The following NCAM2 variants were observed in gnomAD, a reference collection of about 807,000 sequenced individuals.
NCAM2 encodes the protein N-CAM-2.
NCAM2 carries 30 observed loss-of-function variants against 98.1 expected under a neutral mutation model. The observed-to-expected ratio is 0.31, with a 90% CI of 0.23 to 0.41. The LOEUF (loss-of-function observed/expected upper bound fraction) is 0.41, where lower values mean the gene tolerates loss of function less well. Ranked by LOEUF, NCAM2 falls within the 10% of genes least tolerant of loss-of-function variation. The probability of loss-of-function intolerance (pLI) is 1.00; values close to 1 mark genes in which losing one functional copy is unlikely to be tolerated. For missense variants in NCAM2, 867 were observed against 1,005.8 expected (o/e 0.86, Z 1.87); for synonymous variants, 368 against 342.4 (o/e 1.07, Z -0.83).
intron 15 of NCAM2, among the ~76,000 whole-genome samples, chr21:21,497,919 TG>T: frequency 6.6e-6 from 1 of 152,138 alleles, no homozygotes; most frequent in African/African-American, 2.4e-5. Context: ...AAATTGTTGA[TG>T]AATTTTACTC....
chr21:21,400,664 C>A (rs1220378225), intron 9 of NCAM2, among the ~76,000 whole-genome samples: 2 of 150,888 alleles, frequency 1.3e-5, no homozygotes, highest in Non-Finnish European at 2.9e-5. Context: ...TGGCTCACTG[C>A]AACCTCCATC....
At chr21:21,149,880 G>A (rs1424690418) in intron 1 of NCAM2, among the ~76,000 whole-genome samples, 1 of 152,076 alleles carries the variant, frequency 6.6e-6, no homozygotes, top group African/African-American at 2.4e-5. Context: ...AAACATACAT[G>A]TGCCTGTTTC....
chr21:21,184,280 C>G (rs1430785700), intron 1 of NCAM2, among the ~76,000 whole-genome samples: 1 of 150,234 alleles, frequency 6.7e-6, no homozygotes, highest in Non-Finnish European at 1.5e-5. Flanking sequence ...CTTCACCTGC[C>G]AAGGGAGTGC....
Position 21,537,852 on chromosome 21 carries a change from G to T in NCAM2, c.2409G>T (p.Leu803Phe). The T allele has an allele frequency of 6.7e-7, 1 of 1,499,360 alleles. No homozygotes were observed. The highest frequency in any genetic ancestry group is 9.1e-7 in the Non-Finnish European group (1 of 1,097,894). 92.9% of individuals were successfully genotyped at this position (1,499,360 alleles called of 1,614,324 possible). ...ETTPLTEPEKLPLKEEDGKEA... is the reference protein window; with the variant it reads ...ETTPLTEPEKFPLKEEDGKEA... ...ATTATTTTTTATCTTCCAGAAAATTGCCTTTAAAGGAAGAAGATGGGAAAG... is the reference window on the plus strand; with the variant it reads ...ATTATTTTTTATCTTCCAGAAAATTTCCTTTAAAGGAAGAAGATGGGAAAG... The change falls in exon 18 of 18, where the codon TTG becomes TTT. Residue 803 changes from leucine to phenylalanine, a missense_variant. Leu to Phe is a conservative substitution (Grantham distance 22, BLOSUM62 0). This residue lies in a region of NCAM2 where 125 missense variants were observed against 116.1 expected (regional missense o/e 1.08). Coordinates refer to ENST00000400546, the MANE Select transcript of NCAM2 (RefSeq NM_004540.5).
intron 1 of NCAM2, among the ~76,000 whole-genome samples, chr21:21,065,729 A>G (rs1385195916): frequency 6.6e-6 from 1 of 152,200 alleles, no homozygotes; most frequent in East Asian, 1.9e-4. Flanking sequence ...TCAAGGTCAT[A>G]GAAGTGCTTC....
chr21:21,106,477 A>G (rs1041575111), intron 1 of NCAM2, among the ~76,000 whole-genome samples: 2 of 152,012 alleles, frequency 1.3e-5, no homozygotes, highest in African/African-American at 4.8e-5. Flanking sequence ...TGTAAAATAT[A>G]AAAAAGCTAA....
At chr21:21,080,082 G>C (rs927409909) in intron 1 of NCAM2, among the ~76,000 whole-genome samples, 1 of 152,070 alleles carries the variant, frequency 6.6e-6, no homozygotes, top group African/African-American at 2.4e-5. Flanking sequence ...ATGCAAATGA[G>C]CTTCCCAAAC....
chr21:21,046,589 A>G (rs908614718), intron 1 of NCAM2, among the ~76,000 whole-genome samples: 33 of 152,262 alleles, frequency 2.2e-4, no homozygotes, highest in African/African-American at 7.5e-4. Context: ...GTTATTTTAC[A>G]GTTTTTTCTT....
chr21:21,308,959 C>T (rs1411944441), intron 5 of NCAM2, among the ~76,000 whole-genome samples: 2 of 152,082 alleles, frequency 1.3e-5, no homozygotes, highest in Non-Finnish European at 2.9e-5. Flanking sequence ...GGCTTCATCT[C>T]AGGCACTTTA....
At chr21:21,075,438 G>T (rs2065661219) in intron 1 of NCAM2, among the ~76,000 whole-genome samples, 1 of 152,140 alleles carries the variant, frequency 6.6e-6, no homozygotes, top group Non-Finnish European at 1.5e-5. Context: ...GCATGATAAA[G>T]ATACTCTTCT....
chr21:21,164,122 AC>A (rs1484344677), intron 1 of NCAM2, among the ~76,000 whole-genome samples: 1 of 152,190 alleles, frequency 6.6e-6, no homozygotes, highest in Admixed American at 6.5e-5. Context: ...TTCAATTAAA[AC>A]TAGATGGCTG....
chr21:21,126,285 C>T (rs1024935011), intron 1 of NCAM2, among the ~76,000 whole-genome samples: 19 of 137,460 alleles, frequency 1.4e-4, no homozygotes, highest in African/African-American at 3.7e-4. Flanking sequence ...TTTGAATTAG[C>T]GTAACCTAGT....
intron 1 of NCAM2, among the ~76,000 whole-genome samples, chr21:21,035,071 C>T (rs1202340132): frequency 1.3e-5 from 2 of 152,102 alleles, no homozygotes; most frequent in Non-Finnish European, 2.9e-5. Context: ...GGTTCTCAGA[C>T]CTGTCAAAAA....
At chr21:21,260,564 G>GAA (rs35470021) in intron 1 of NCAM2, among the ~76,000 whole-genome samples, 48,990 of 148,984 alleles carry the variant, frequency 0.33, 8,548 homozygotes, top group Non-Finnish European at 0.4. Flanking sequence ...CCTTCTTGAA[G>GAA]AAAAAAAAAA....
intron 1 of NCAM2, among the ~76,000 whole-genome samples, chr21:21,210,900 C>T (rs1351252663): frequency 6.7e-6 from 1 of 150,174 alleles, no homozygotes; most frequent in Non-Finnish European, 1.5e-5. Context: ...TGGGAGAAGC[C>T]ACTAGACTGG....
chr21:21,426,840 A>G (rs1302626669), intron 11 of NCAM2, among the ~76,000 whole-genome samples: 1 of 152,208 alleles, frequency 6.6e-6, no homozygotes, highest in Non-Finnish European at 1.5e-5. Flanking sequence ...GCAGCAAGTC[A>G]GTCTAGGAAA....
intron 1 of NCAM2, among the ~76,000 whole-genome samples, chr21:21,083,423 C>CTT (rs201441950): frequency 2.2e-5 from 3 of 134,896 alleles, no homozygotes; most frequent in Non-Finnish European, 1.6e-5. Context: ...TATAAATCAT[C>CTT]TTTTTTTTTT....
intron 1 of NCAM2, among the ~76,000 whole-genome samples, chr21:21,264,781 CATATATATATATTCCACTAT>C (rs2072072123): frequency 8.0e-6 from 1 of 124,432 alleles, no homozygotes; most frequent in Admixed American, 8.1e-5. Context: ...TATATATATA[CATATATATATATTCCACTAT>C]ATATATACAC....
Position 21,007,285 on chromosome 21 carries a change from C to T in NCAM2, c.55+8667C>T, listed in dbSNP as rs570404197. On this transcript the variant is annotated intron_variant, in intron 1 of 17. Transcript: ENST00000400546. ...ATTATTGTAACTTGTTCATTCCCAGCGCTTTTTTTTGGTACCTCTGTTACC... is the reference window on the plus strand; with the variant it reads ...ATTATTGTAACTTGTTCATTCCCAGTGCTTTTTTTTGGTACCTCTGTTACC... Among the ~76,000 whole-genome samples, 30 of 152,238 alleles carry T rather than the reference C, an allele frequency of 2.0e-4. 1 individual carries two copies. The highest frequency in any genetic ancestry group is 2.0e-4 in the Admixed American group (3 of 15,282).
Sources: gnomAD v4.1 joint callset for allele counts (sites outside exome capture counted in the v4.1 genomes callset) on GRCh38, gnomAD v4.1.1 for gene constraint, gnomAD v4.1.1 regional missense constraint, MANE v1.5 for transcripts, NCBI Gene and HGNC (gene_info 2026-07-23, HGNC 2026-07-21) for gene names.